ANK2: variants seen among roughly 807,000 people sequenced by gnomAD.
ANK2 encodes the protein ankyrin 2, also known as ankyrin-2.
A neutral mutation model predicts 360.5 loss-of-function variants in ANK2; 83 were observed. The ratio of observed to expected loss-of-function variants is 0.23; its 90% confidence interval spans 0.19 to 0.28. The LOEUF is 0.28. Ranked by LOEUF, ANK2 falls within the 10% of genes least tolerant of loss-of-function variation. The pLI is 1.00. For missense variants in ANK2, 4,201 were observed against 4,795.7 expected, an observed-to-expected ratio of 0.88 and a Z score of 3.66; for synonymous variants, 1,740 against 1,759.5, an observed-to-expected ratio of 0.99 and a Z score of 0.28.
chr4:113,160,254 A>T, intron 1 of ANK2: 1 of 312,226 alleles, frequency 3.2e-6, no homozygotes, highest in South Asian at 2.7e-5. Flanking sequence ...AAATAGAGAC[A>T]GGGTCTCACT....
At chr4:113,374,883 G>C (rs1028978478) in intron 45 of ANK2, 1 of 1,266,808 alleles carries the variant, frequency 7.9e-7, no homozygotes, top group African/African-American at 1.5e-5. Context: ...AGAGGATGGA[G>C]AAACATCTGG....
At chr4:113,303,622 T>C (rs1470897363) in intron 23 of ANK2, among the ~76,000 whole-genome samples, 1 of 152,102 alleles carries the variant, frequency 6.6e-6, no homozygotes. Flanking sequence ...TGAACTTCCA[T>C]GTAATAATCC....
chr4:112,818,719 G>C (rs1449583975), intron 1 of ANK2, among the ~76,000 whole-genome samples: 1 of 152,168 alleles, frequency 6.6e-6, no homozygotes, highest in East Asian at 1.9e-4. Flanking sequence ...GGGTGAGTAG[G>C]TGGTGTGAGA....
At chr4:113,317,546 G>A in intron 24 of ANK2, 161 bp from the exon 25 acceptor site, 2 of 681,674 alleles carry the variant, frequency 2.9e-6, no homozygotes, top group Non-Finnish European at 5.4e-6. Context: ...TAGTTCAGCT[G>A]TTGGACAAAA....
intron 1 of ANK2, among the ~76,000 whole-genome samples, chr4:113,098,722 A>C (rs2092195173): frequency 6.6e-6 from 1 of 151,984 alleles, no homozygotes; most frequent in African/African-American, 2.4e-5. Flanking sequence ...CCCAATAAAG[A>C]CAGGACAAGA....
intron 1 of ANK2, chr4:112,826,268 ATT>A: frequency 2.0e-6 from 1 of 502,164 alleles, no homozygotes; most frequent in Non-Finnish European, 3.5e-6. Flanking sequence ...TGTTGTTACT[ATT>A]TTGACTATAA....
intron 1 of ANK2, among the ~76,000 whole-genome samples, chr4:113,087,884 G>A (rs941733481): frequency 4.6e-5 from 7 of 152,002 alleles, no homozygotes; most frequent in Non-Finnish European, 7.4e-5. Flanking sequence ...TCACTTCATT[G>A]TCTTGCAACT....
intron 1 of ANK2, among the ~76,000 whole-genome samples, chr4:112,831,009 G>A (rs72906884): frequency 0.026 from 3,993 of 152,276 alleles, 163 homozygotes; most frequent in African/African-American, 0.089. Context: ...CCTGTGCCTC[G>A]CTTGAATTCT....
rs150108820 is a variant in ANK2 at position 113,330,764 on chromosome 4, G to C, written c.3125+294G>C. On this transcript the variant is annotated intron_variant, in intron 27 of 45. Transcript: ENST00000357077. ...TAACCAGTATTTTAGCCGATGGTAG[G>C]TATTATTTTCTCATCTGAGAATTAA... Among the ~76,000 whole-genome samples the C allele has an allele frequency of 2.7e-3, 406 of 152,228 alleles. 2 individuals carry two copies. The highest frequency in any genetic ancestry group is 8.6e-3 in the African/African-American group (358 of 41,534).
chr4:112,885,796 C>CAA (rs750277917), intron 1 of ANK2, among the ~76,000 whole-genome samples: 2,380 of 26,812 alleles, frequency 0.089, 411 homozygotes, highest in East Asian at 0.41. Context: ...GACTCTGTCT[C>CAA]AAAAAAAAAA....
intron 2 of ANK2, among the ~76,000 whole-genome samples, chr4:113,014,882 G>A (rs1251401784): frequency 4.6e-5 from 5 of 107,552 alleles, no homozygotes; most frequent in Non-Finnish European, 8.6e-5. Context: ...TTTTTGAGAC[G>A]GAGTCTCGCT....
chr4:113,035,953 C>T (rs993999345), intron 2 of ANK2, among the ~76,000 whole-genome samples: 1 of 151,888 alleles, frequency 6.6e-6, no homozygotes, highest in African/African-American at 2.4e-5. Context: ...TGTACAACTG[C>T]CAAAACTGTT....
intron 2 of ANK2, among the ~76,000 whole-genome samples, chr4:112,943,180 A>G (rs2094346092): frequency 6.6e-6 from 1 of 152,082 alleles, no homozygotes; most frequent in African/African-American, 2.4e-5. Flanking sequence ...GATTTAAGCA[A>G]TGAGATGGGG....
intron 1 of ANK2, among the ~76,000 whole-genome samples, chr4:112,878,531 G>A (rs900516591): frequency 6.6e-6 from 1 of 152,046 alleles, no homozygotes; most frequent in African/African-American, 2.4e-5. Context: ...TCACCATGTT[G>A]ACCAGACTGG....
At chr4:113,083,393 T>C (rs577023289) in intron 1 of ANK2, among the ~76,000 whole-genome samples, 50 of 152,262 alleles carry the variant, frequency 3.3e-4, no homozygotes, top group Non-Finnish European at 6.0e-4. Flanking sequence ...TATGTTGGTC[T>C]CAAACTTTTG....
At chr4:113,307,431 T>C (rs80102041) in intron 23 of ANK2, among the ~76,000 whole-genome samples, 1 of 148,996 alleles carries the variant, frequency 6.7e-6, no homozygotes, top group Middle Eastern at 3.4e-3. Context: ...TTTTTTTTTT[T>C]TTGTGATGGA....
chr4:112,834,641 TA>T (rs1219053535), intron 1 of ANK2, among the ~76,000 whole-genome samples: 2 of 152,198 alleles, frequency 1.3e-5, no homozygotes, highest in Non-Finnish European at 1.5e-5. Context: ...ACAAAGCCAT[TA>T]TCATATCTCA....
At chr4:113,249,672 G>T in intron 9 of ANK2, 92 bp from the exon 10 acceptor site, 2 of 1,154,594 alleles carry the variant, frequency 1.7e-6, no homozygotes, top group Non-Finnish European at 2.6e-6. Context: ...AATCAGGATT[G>T]AGTTTAGGAA....
chr4:113,138,240 G>A (rs1418190141), intron 1 of ANK2, among the ~76,000 whole-genome samples: 2 of 152,222 alleles, frequency 1.3e-5, no homozygotes, highest in South Asian at 2.1e-4. Flanking sequence ...TAAGTTTTCC[G>A]TCTTTGAAAT....
Sources: gnomAD v4.1 joint callset for allele counts (sites outside exome capture counted in the v4.1 genomes callset) on GRCh38, gnomAD v4.1.1 for gene constraint, MANE v1.5 for transcripts, NCBI Gene and HGNC (gene_info 2026-07-23, HGNC 2026-07-21) for gene names.